The following ERBB4 variants were observed in gnomAD, a reference collection of about 807,000 sequenced individuals.
The protein encoded by ERBB4 is erb-b2 receptor tyrosine kinase 4, also known as receptor tyrosine-protein kinase erbB-4.
In ERBB4, 42 loss-of-function variants were observed where a neutral mutation model predicts 158.0. That is an observed-to-expected ratio of 0.27 (90% CI 0.21 to 0.34). The LOEUF (loss-of-function observed/expected upper bound fraction) is 0.34, where lower values mean the gene tolerates loss of function less well. Among genes scored for constraint, ERBB4 ranks in the 10% least tolerant of loss-of-function variants. The pLI, the probability that ERBB4 is intolerant of heterozygous loss-of-function variation, is 1.00. For synonymous variants in ERBB4, 583 were observed against 558.7 expected (o/e 1.04, Z -0.61); for missense variants, 1,333 against 1,624.1 (o/e 0.82, Z 3.08).
At chr2:212,239,406 G>C (rs574387702) in intron 1 of ERBB4, among the ~76,000 whole-genome samples, 2 of 152,296 alleles carry the variant, frequency 1.3e-5, no homozygotes, top group African/African-American at 4.8e-5. Context: ...TGACATGGTT[G>C]TGTGAATGTT....
At chr2:211,515,478 AG>A (rs973046871) in intron 20 of ERBB4, among the ~76,000 whole-genome samples, 22 of 152,070 alleles carry the variant, frequency 1.4e-4, no homozygotes, top group African/African-American at 5.3e-4. Context: ...CTGGATGGAC[AG>A]GGGTAATGTC....
chr2:212,489,137 A>C (rs531878388), intron 1 of ERBB4, among the ~76,000 whole-genome samples: 1 of 151,950 alleles, frequency 6.6e-6, no homozygotes, highest in African/African-American at 2.4e-5. Context: ...AATAATAGTT[A>C]AGTATAAAAT....
intron 1 of ERBB4, among the ~76,000 whole-genome samples, chr2:212,224,529 A>G (rs2083409634): frequency 6.6e-6 from 1 of 151,998 alleles, no homozygotes; most frequent in Admixed American, 6.6e-5. Context: ...GGAAAAACGT[A>G]TTGCTCTTTT....
chr2:211,945,975 T>C (rs2080677636), intron 3 of ERBB4, among the ~76,000 whole-genome samples: 1 of 152,068 alleles, frequency 6.6e-6, no homozygotes, highest in African/African-American at 2.4e-5. Context: ...TATTACAGTA[T>C]TTTTAGATTC....
chr2:211,867,573 A>G (rs1007306961), intron 3 of ERBB4, among the ~76,000 whole-genome samples: 2 of 152,184 alleles, frequency 1.3e-5, no homozygotes, highest in African/African-American at 4.8e-5. Flanking sequence ...TAGATATATG[A>G]ATGTGTATAC....
chr2:212,440,165 A>T (rs948601608), intron 1 of ERBB4, among the ~76,000 whole-genome samples: 4 of 152,214 alleles, frequency 2.6e-5, no homozygotes. Context: ...GGATTGAAGG[A>T]TATAAAGTAT....
intron 1 of ERBB4, among the ~76,000 whole-genome samples, chr2:212,167,421 T>G (rs1158233238): frequency 6.6e-6 from 1 of 152,102 alleles, no homozygotes; most frequent in African/African-American, 2.4e-5. Flanking sequence ...ATGCCAATTA[T>G]TAAAAAGTCC....
At chr2:212,269,389 A>G (rs1369961527) in intron 1 of ERBB4, among the ~76,000 whole-genome samples, 2 of 151,836 alleles carry the variant, frequency 1.3e-5, no homozygotes, top group Non-Finnish European at 2.9e-5. Flanking sequence ...ATCAGGATGC[A>G]GCTCTACCCA....
intron 1 of ERBB4, among the ~76,000 whole-genome samples, chr2:212,416,071 T>C (rs543710735): frequency 1.3e-5 from 2 of 152,258 alleles, no homozygotes; most frequent in South Asian, 4.1e-4. Flanking sequence ...AAGCTAGCCA[T>C]GAATGGGACC....
chr2:212,103,832 C>T (rs1250822401), intron 2 of ERBB4, among the ~76,000 whole-genome samples: 2 of 151,964 alleles, frequency 1.3e-5, no homozygotes, highest in East Asian at 1.9e-4. Flanking sequence ...ATGTTAAGAA[C>T]TGTGAAGTAT....
intron 20 of ERBB4, among the ~76,000 whole-genome samples, chr2:211,499,556 C>A (rs910875759): frequency 3.3e-5 from 5 of 151,262 alleles, no homozygotes; most frequent in Admixed American, 2.0e-4. Flanking sequence ...AACAAACAAA[C>A]AAAAAAAAGA....
chr2:211,614,830 TACAA>T (rs1456100282), intron 19 of ERBB4, among the ~76,000 whole-genome samples: 2 of 152,004 alleles, frequency 1.3e-5, no homozygotes, highest in Non-Finnish European at 2.9e-5. Flanking sequence ...AAGAGAAACA[TACAA>T]AGACTATTCA....
chr2:212,247,049 T>C (rs945393962), intron 1 of ERBB4, among the ~76,000 whole-genome samples: 1 of 152,176 alleles, frequency 6.6e-6, no homozygotes, highest in Non-Finnish European at 1.5e-5. Flanking sequence ...AACCAAATAC[T>C]TAAATAATTT....
intron 2 of ERBB4, among the ~76,000 whole-genome samples, chr2:212,121,611 T>C (rs1026832670): frequency 1.3e-5 from 2 of 152,248 alleles, no homozygotes; most frequent in Non-Finnish European, 1.5e-5. Flanking sequence ...TGGATGCTGA[T>C]GTCTCCTAAA....
intron 4 of ERBB4, among the ~76,000 whole-genome samples, chr2:211,780,470 A>T (rs1414055067): frequency 3.3e-5 from 5 of 152,242 alleles, no homozygotes; most frequent in Non-Finnish European, 7.3e-5. Context: ...GAGACAAGAA[A>T]ACCAGGCTAG....
At chr2:211,837,170 A>G (rs946628176) in intron 3 of ERBB4, among the ~76,000 whole-genome samples, 1 of 152,144 alleles carries the variant, frequency 6.6e-6, no homozygotes, top group Non-Finnish European at 1.5e-5. Flanking sequence ...GATATTGTGC[A>G]TGATAAATTG....
chr2:212,322,423 A>G (rs10188305), intron 1 of ERBB4, among the ~76,000 whole-genome samples: 17,409 of 147,998 alleles, frequency 0.12, 2,190 homozygotes, highest in African/African-American at 0.28. Context: ...AAACCTCTTT[A>G]AAAGCTATAA....
intron 1 of ERBB4, among the ~76,000 whole-genome samples, chr2:212,147,714 T>C (rs1362819877): frequency 6.6e-6 from 1 of 152,164 alleles, no homozygotes; most frequent in Middle Eastern, 3.2e-3. Flanking sequence ...AGAAATAAAA[T>C]CAAATCCAAT....
At chr2:212,523,384 T>C (rs1427872724) in intron 1 of ERBB4, among the ~76,000 whole-genome samples, 1 of 151,992 alleles carries the variant, frequency 6.6e-6, no homozygotes, top group Non-Finnish European at 1.5e-5. Context: ...TATTTAGTTA[T>C]AAATACCTGC....
Sources: gnomAD v4.1 joint callset for allele counts (sites outside exome capture counted in the v4.1 genomes callset) on GRCh38, gnomAD v4.1.1 for gene constraint, MANE v1.5 for transcripts, NCBI Gene and HGNC (gene_info 2026-07-23, HGNC 2026-07-21) for gene names.